Variants in SMYD3 observed in about 807,000 individuals in gnomAD.
The protein encoded by SMYD3 is histone-lysine N-methyltransferase SMYD3.
A neutral mutation model predicts 57.7 loss-of-function variants in SMYD3; 36 were observed. That is an observed-to-expected ratio of 0.62 (90% confidence interval 0.48 to 0.82). SMYD3 has a LOEUF of 0.82. Among genes scored for constraint, SMYD3 ranks in the 40% least tolerant of loss-of-function variants. The pLI, the probability that SMYD3 is intolerant of heterozygous loss-of-function variation, is 0.00. For synonymous variants in SMYD3, 211 were observed against 195.0 expected (o/e 1.08, Z -0.68); for missense variants, 515 against 538.8 (o/e 0.96, Z 0.44).
intron 8 of SMYD3, among the ~76,000 whole-genome samples, chr1:245,912,723 T>A (rs1361902880): frequency 2.0e-5 from 3 of 152,156 alleles, no homozygotes. Flanking sequence ...GGCAACTGAT[T>A]GTCAACAAAG....
chr1:246,259,395 T>A (rs2063958339), intron 5 of SMYD3, among the ~76,000 whole-genome samples: 1 of 152,208 alleles, frequency 6.6e-6, no homozygotes, highest in Non-Finnish European at 1.5e-5. Context: ...CTTTTCTTCC[T>A]CTATAATGTT....
intron 11 of SMYD3, 58 bp from the exon 12 acceptor site, chr1:245,749,722 C>T (rs41267529): frequency 0.028 from 38,477 of 1,375,996 alleles, 664 homozygotes; most frequent in Non-Finnish European, 0.034. Flanking sequence ...TCAGGCCATT[C>T]CCCACCTTTA....
chr1:246,019,714 T>C (rs2059436659), intron 5 of SMYD3, among the ~76,000 whole-genome samples: 1 of 152,140 alleles, frequency 6.6e-6, no homozygotes. Flanking sequence ...AAAATGTAAT[T>C]ATTAATTTAA....
intron 5 of SMYD3, among the ~76,000 whole-genome samples, chr1:246,169,901 C>CAAAAAA (rs35486805): frequency 1.0e-4 from 11 of 107,394 alleles, no homozygotes; most frequent in African/African-American, 3.8e-4. Context: ...AAGACTCTGC[C>CAAAAAA]AAAAAAAAAA....
chr1:246,445,324 A>T (rs561105127), intron 1 of SMYD3, among the ~76,000 whole-genome samples: 1 of 152,300 alleles, frequency 6.6e-6, no homozygotes, highest in Admixed American at 6.5e-5. Flanking sequence ...TTAGACTATG[A>T]GTGAAAAGAA....
rs146814817 is a variant in SMYD3 at position 246,142,738 on chromosome 1, C to A, written c.531+184463G>T. Among the ~76,000 whole-genome samples the A allele has an allele frequency of 2.0e-3, 311 of 152,264 alleles. 4 individuals are homozygous for A. Among genetic ancestry groups the A allele is most frequent in the African/African-American group, 6.6e-3 (275 of 41,530 alleles). On this transcript the variant is annotated intron_variant, in intron 5 of 11. Transcript: ENST00000490107. The stretch of plus-strand genomic sequence containing the variant: ...AGTTGACCAAAGGTAACTAAAAGCA[C>A]AGAAAATGAAACCTCAGATAAGGGG...
chr1:245,873,924 C>T (rs74976226), intron 8 of SMYD3, among the ~76,000 whole-genome samples: 6,002 of 152,264 alleles, frequency 0.039, 188 homozygotes, highest in Non-Finnish European at 0.059. Flanking sequence ...CCTGGCTCCG[C>T]TTGCCCAGGT....
chr1:246,097,168 A>C (rs2060929214), intron 5 of SMYD3, among the ~76,000 whole-genome samples: 1 of 152,212 alleles, frequency 6.6e-6, no homozygotes, highest in Non-Finnish European at 1.5e-5. Flanking sequence ...TTTTCTCCCC[A>C]GGAACAGACT....
chr1:246,120,877 G>GT (rs1230254823), intron 5 of SMYD3, among the ~76,000 whole-genome samples: 1 of 152,094 alleles, frequency 6.6e-6, no homozygotes, highest in Non-Finnish European at 1.5e-5. Flanking sequence ...ACACAAGCTG[G>GT]TACCCCCACC....
chr1:246,296,738 C>T (rs2064802262), intron 5 of SMYD3, among the ~76,000 whole-genome samples: 1 of 152,032 alleles, frequency 6.6e-6, no homozygotes, highest in Non-Finnish European at 1.5e-5. Flanking sequence ...GAAAATCAGA[C>T]ATTTTAAATT....
At chr1:246,346,566 T>A (rs764572503) in intron 2 of SMYD3, among the ~76,000 whole-genome samples, 9 of 152,134 alleles carry the variant, frequency 5.9e-5, no homozygotes, top group Non-Finnish European at 1.2e-4. Context: ...CACATCCTTC[T>A]TCATATGGCA....
At chr1:246,019,333 A>G (rs1330584404) in intron 5 of SMYD3, among the ~76,000 whole-genome samples, 3 of 152,226 alleles carry the variant, frequency 2.0e-5, no homozygotes, top group Non-Finnish European at 4.4e-5. Flanking sequence ...AAATGTCACT[A>G]GTGTCAAACG....
Position 246,261,357 on chromosome 1 carries a change from CTCTT to C in SMYD3, c.531+65840_531+65843del, listed in dbSNP as rs551638862. Among the ~76,000 whole-genome samples the C allele has an allele frequency of 1.8e-3, 255 of 144,876 alleles. 2 individuals carry two copies. The highest frequency in any genetic ancestry group is 2.3e-3 in the Non-Finnish European group (150 of 66,080). Reference sequence around the variant, plus strand: ...CAAGCATGAGCCACCGCACCCAGCTCTCTTTGTTTTTTTTTTTTAATGTTACCTT... The same window carrying C: ...CAAGCATGAGCCACCGCACCCAGCTCTGTTTTTTTTTTTTAATGTTACCTT... On this transcript the variant is annotated intron_variant, in intron 5 of 11. Transcript: ENST00000490107.
chr1:246,150,898 T>C (rs1165960835), intron 5 of SMYD3, among the ~76,000 whole-genome samples: 1 of 152,202 alleles, frequency 6.6e-6, no homozygotes, highest in Non-Finnish European at 1.5e-5. Context: ...GGAGGAAGGC[T>C]TGTTCAGATG....
At chr1:246,341,781 A>G (rs1189716523) in intron 2 of SMYD3, among the ~76,000 whole-genome samples, 1 of 152,216 alleles carries the variant, frequency 6.6e-6, no homozygotes, top group African/African-American at 2.4e-5. Flanking sequence ...TTGCTCACTC[A>G]AGAACCCATT....
chr1:246,343,181 C>T lies in SMYD3; in HGVS notation c.229-7707G>A, dbSNP rs114266779. Among the ~76,000 whole-genome samples the T allele has an allele frequency of 6.2e-3, 937 of 152,188 alleles. 11 individuals carry two copies. The highest frequency in any genetic ancestry group is 0.021 in the African/African-American group (892 of 41,498). On this transcript the variant is annotated intron_variant, in intron 2 of 11. Transcript: ENST00000490107. ...GATCTAATGAGAGATCATATGAAGA[C>T]GAAATGACTTAATTGATAGTTTGGC...
At chr1:246,339,212 A>G (rs2065591607) in intron 2 of SMYD3, among the ~76,000 whole-genome samples, 1 of 152,208 alleles carries the variant, frequency 6.6e-6, no homozygotes, top group Non-Finnish European at 1.5e-5. Context: ...TGAGTTACCA[A>G]TACAACACGG....
intron 2 of SMYD3, among the ~76,000 whole-genome samples, chr1:246,351,706 C>A (rs2065827076): frequency 6.6e-6 from 1 of 152,096 alleles, no homozygotes; most frequent in Non-Finnish European, 1.5e-5. Context: ...ATAAAATAGA[C>A]ACATATGGAT....
chr1:246,177,426 C>A (rs954249911), intron 5 of SMYD3, among the ~76,000 whole-genome samples: 1 of 152,190 alleles, frequency 6.6e-6, no homozygotes, highest in Non-Finnish European at 1.5e-5. Flanking sequence ...CTAGACATGG[C>A]AGCCTACTGA....
Sources: gnomAD v4.1 joint callset for allele counts (sites outside exome capture counted in the v4.1 genomes callset) on GRCh38, gnomAD v4.1.1 for gene constraint, MANE v1.5 for transcripts, NCBI Gene and HGNC (gene_info 2026-07-23, HGNC 2026-07-21) for gene names.